Variants in NPC2 observed in about 807,000 individuals in gnomAD.
The protein encoded by NPC2 is Niemann-Pick disease type C2 protein.
A neutral mutation model predicts 17.0 loss-of-function variants in NPC2; 14 were observed. That is an observed-to-expected ratio of 0.82 (90% CI 0.54 to 1.29). The LOEUF is 1.29. Ranked by LOEUF, NPC2 falls within the 50% of genes most tolerant of loss-of-function variation. The probability of loss-of-function intolerance (pLI) is 0.00; values close to 1 mark genes in which losing one functional copy is unlikely to be tolerated. For synonymous variants in NPC2, 75 were observed against 69.3 expected (o/e 1.08, Z -0.41); for missense variants, 167 against 183.4 (o/e 0.91, Z 0.52).
At chr14:74,480,533 C>T (rs2086644838) in intron 4 of NPC2, 169 bp downstream of exon 4, 3 of 790,614 alleles carry the variant, frequency 3.8e-6, no homozygotes, top group Non-Finnish European at 6.8e-6. Flanking sequence ...ACAAAGGCAA[C>T]AGTTCTGAGC....
At chr14:74,491,113 G>A (rs1397687022) in intron 1 of NPC2, among the ~76,000 whole-genome samples, 1 of 151,976 alleles carries the variant, frequency 6.6e-6, no homozygotes, top group African/African-American at 2.4e-5. Context: ...TTGCTCTGTC[G>A]CCAGGCTGGA....
At chr14:74,481,904 CTAA>C (rs1332050494) in intron 3 of NPC2, among the ~76,000 whole-genome samples, 2 of 152,200 alleles carry the variant, frequency 1.3e-5, no homozygotes, top group Non-Finnish European at 1.5e-5. Flanking sequence ...CTTTTGTACT[CTAA>C]TGTTTCTTCA....
At chr14:74,488,151 A>ATCGC (rs1168057731) in intron 1 of NPC2, among the ~76,000 whole-genome samples, 2 of 152,200 alleles carry the variant, frequency 1.3e-5, no homozygotes, top group Admixed American at 1.3e-4. Context: ...TTAATTCAGC[A>ATCGC]TCGCCTCTTT....
At chr14:74,492,321 G>A (rs930791982) in intron 1 of NPC2, among the ~76,000 whole-genome samples, 4 of 152,254 alleles carry the variant, frequency 2.6e-5, no homozygotes, top group African/African-American at 7.2e-5. Flanking sequence ...AATGCGCAAG[G>A]TGAACCCCTT....
chr14:74,482,681 C>T lies in NPC2; in HGVS notation c.363+1734G>A, dbSNP rs561381043. On this transcript the variant is annotated intron_variant, in intron 3 of 4. Transcript: ENST00000555619. ...TGCACAGGCTTTGGAGTTATAAGACCCAGCTCAAAACCTGGGCTCCACTGC... is the reference window on the plus strand; with the variant it reads ...TGCACAGGCTTTGGAGTTATAAGACTCAGCTCAAAACCTGGGCTCCACTGC... Among the ~76,000 whole-genome samples the T allele has an allele frequency of 5.3e-4, 80 of 152,196 alleles. 1 individual carries two copies. The highest frequency in any genetic ancestry group is 2.7e-3 in the Admixed American group (42 of 15,294).
In NPC2 at chr14:74,480,678, C is replaced by T. The variant is rs746800894; in HGVS notation, c.441+24G>A. ...TCCACTTTCTTCCCTCCACCCATGC[C>T]CTCTCACCCCCAGATAGACTTACGA... On this transcript the variant is annotated intron_variant, in intron 4 of 4. Transcript: ENST00000555619. 1.7e-5 allele frequency: 27 copies of T among 1,587,264 alleles called. No individual in the cohort carries two copies. The highest frequency in any genetic ancestry group is 3.3e-5 in the South Asian group (3 of 90,534).
intron 1 of NPC2, among the ~76,000 whole-genome samples, chr14:74,488,049 T>C (rs989331333): frequency 1.3e-5 from 2 of 152,210 alleles, no homozygotes; most frequent in Non-Finnish European, 2.9e-5. Flanking sequence ...GCCATGTTGA[T>C]GAATGGAAGG....
intron 1 of NPC2, among the ~76,000 whole-genome samples, chr14:74,489,375 A>G (rs1256020174): frequency 5.9e-5 from 9 of 152,250 alleles, no homozygotes; most frequent in Admixed American, 1.3e-4. Context: ...GGGAATCCTC[A>G]AAACAAATAC....
intron 2 of NPC2, among the ~76,000 whole-genome samples, 168 bp from the exon 3 acceptor site, chr14:74,484,755 CAA>C (rs71115996): frequency 3.5e-5 from 3 of 85,228 alleles, no homozygotes; most frequent in East Asian, 3.7e-4. Context: ...CACAATTATG[CAA>C]AAAAAAAAAA....
Position 74,493,255 on chromosome 14 carries a change from G to T in NPC2, c.20C>A (p.Thr7Lys), listed in dbSNP as rs1363601263. The change falls in exon 1 of 5, where the codon ACA becomes AAA. Residue 7 changes from threonine (T) to lysine (K), a missense_variant. Thr to Lys is a moderately conservative substitution (Grantham distance 78, BLOSUM62 -1). Transcript: ENST00000555619. The surrounding 1 kb of genome is among the most constrained non-coding windows in gnomAD (Gnocchi z 4.1). MRFLAA[T>K]FLLLALSTAA... is the part of the protein sequence containing the mutation. ...GGTGCTGAGCGCCAGGAGCAGGAAT[G>T]TAGCTGCCAGGAAACGCATCGCGGA... The T allele has an allele frequency of 1.2e-6, 2 of 1,613,290 alleles. No individual in the cohort carries two copies. The highest frequency in any genetic ancestry group is 2.7e-5 in the African/African-American group (2 of 74,924).
intron 1 of NPC2, among the ~76,000 whole-genome samples, chr14:74,487,582 T>C (rs1474796566): frequency 6.6e-6 from 1 of 152,218 alleles, no homozygotes; most frequent in Non-Finnish European, 1.5e-5. Flanking sequence ...CCGCACTTTA[T>C]GCGGAAACAG....
Position 74,490,369 on chromosome 14 carries a change from ATTGCAAAGTTCTTAAACTGCACACACTC to A in NPC2, c.82+2796_82+2823del, listed in dbSNP as rs1473085725. Reference sequence around the variant, plus strand: ...TTATCCCTCAGCTTGCTTCTCCATCATTGCAAAGTTCTTAAACTGCACACACTCTTAAGCATCCAAAACAGTTTGAGAA... The same window carrying A: ...TTATCCCTCAGCTTGCTTCTCCATCATTAAGCATCCAAAACAGTTTGAGAA... On this transcript the variant is annotated intron_variant, in intron 1 of 4. Transcript: ENST00000555619. Among the ~76,000 whole-genome samples the A allele has an allele frequency of 2.6e-5, 4 of 152,226 alleles. No individual in the cohort carries two copies. The East Asian group carries it at 7.7e-4, about 29-fold the overall frequency.
At chr14:74,493,362 G>A, upstream of NPC2, 3 of 1,555,558 alleles carry the variant, frequency 1.9e-6, no homozygotes, top group South Asian at 1.2e-5. The surrounding 1 kb of genome is among the most constrained non-coding windows in gnomAD (Gnocchi z 4.1). Flanking sequence ...CCGGGGAGGA[G>A]CCCAGTCAGG....
intron 3 of NPC2, 52 bp from the exon 4 acceptor site, chr14:74,480,831 A>C: frequency 2.8e-6 from 4 of 1,441,892 alleles, no homozygotes; most frequent in Non-Finnish European, 3.9e-6. Flanking sequence ...CCTGACTTCT[A>C]TCCATAATTG....
chr14:74,489,793 G>A (rs1332681872), intron 1 of NPC2, among the ~76,000 whole-genome samples: 1 of 152,192 alleles, frequency 6.6e-6, no homozygotes, highest in Non-Finnish European at 1.5e-5. Context: ...AGACTCTGGT[G>A]CCGGATGCCT....
intron 3 of NPC2, chr14:74,482,927 G>A: frequency 2.0e-6 from 1 of 505,110 alleles, no homozygotes; most frequent in Non-Finnish European, 3.8e-6. Context: ...AGGAGGTGGA[G>A]GAGGTGCCAG....
chr14:74,485,921 T>C (rs1231052945), intron 2 of NPC2, among the ~76,000 whole-genome samples: 1 of 152,220 alleles, frequency 6.6e-6, no homozygotes, highest in Non-Finnish European at 1.5e-5. Flanking sequence ...GGATGTAGAC[T>C]TAATAGCTGA....
Position 74,484,435 on chromosome 14 carries a change from C to T in NPC2, c.343G>A (p.Val115Met). Residue 115 changes from valine (V) to methionine (M), a missense_variant, in exon 3 of 5, where the codon GTG (valine) becomes ATG (methionine). By Grantham distance (21) the Val-to-Met change is conservative (BLOSUM62 1). Coordinates refer to ENST00000555619, the MANE Select transcript of NPC2 (RefSeq NM_006432.5). ...CTTACAGAGGGATATTCGCTTTTCA[C>T]TGGTAGTTTATTCAGGTAGCTATAG... ...KTYSYLNKLP[V>M]KSEYPSIKLV... 1.2e-6 allele frequency: 2 copies of T among 1,614,152 alleles called. No homozygotes were observed. The highest frequency in any genetic ancestry group is 1.7e-6 in the Non-Finnish European group (2 of 1,180,024).
intron 2 of NPC2, 103 bp from the exon 3 acceptor site, chr14:74,484,690 T>C: frequency 8.0e-7 from 1 of 1,256,976 alleles, no homozygotes. Context: ...TCCTAGGGTC[T>C]ATTTCTCTTG....
Sources: gnomAD v4.1 joint callset for allele counts (sites outside exome capture counted in the v4.1 genomes callset) on GRCh38, gnomAD v4.1.1 for gene constraint, Gnocchi (gnomAD v3.1) non-coding constraint, MANE v1.5 for transcripts, NCBI Gene and HGNC (gene_info 2026-07-23, HGNC 2026-07-21) for gene names.